Variants in OR52A5 observed in about 807,000 individuals in gnomAD.
The protein encoded by OR52A5 is olfactory receptor family 52 subfamily A member 5.
OR52A5 carries 16 observed loss-of-function variants against 18.2 expected under a neutral mutation model. That is an observed-to-expected ratio of 0.88 (90% CI 0.60 to 1.34). The LOEUF (loss-of-function observed/expected upper bound fraction) is 1.34. Ranked by LOEUF, OR52A5 falls within the 40% of genes most tolerant of loss-of-function variation. The probability of loss-of-function intolerance (pLI) is 0.00; values close to 1 mark genes in which losing one functional copy is unlikely to be tolerated. For synonymous variants in OR52A5, 140 were observed against 137.2 expected (o/e 1.02, Z -0.14); for missense variants, 418 against 383.0 (o/e 1.09, Z -0.76).
intron 1 of OR52A5, among the ~76,000 whole-genome samples, chr11:5,134,916 C>CTGGA (rs1846377384): frequency 1.3e-5 from 2 of 152,260 alleles, no homozygotes; most frequent in African/African-American, 4.8e-5. Context: ...ATCGCCCAGG[C>CTGGA]TGGAGTGCAG....
intron 1 of OR52A5, 103 bp downstream of exon 1, chr11:5,138,205 ATTT>A (rs1846409065): frequency 6.6e-6 from 1 of 152,224 alleles, no homozygotes; most frequent in African/African-American, 2.4e-5. Flanking sequence ...ATTCTGTTGC[ATTT>A]TTATCATCCT....
intron 1 of OR52A5, among the ~76,000 whole-genome samples, chr11:5,137,836 A>G (rs2133527226): frequency 6.6e-6 from 1 of 152,358 alleles, no homozygotes; most frequent in East Asian, 1.9e-4. Context: ...GTAAAAATTA[A>G]TGACACAATC....
chr11:5,132,358 A>C lies in OR52A5; in HGVS notation c.285T>G (p.Ser95=). ...GIFWFHLPEI[S]FDACLFQMWL... ...ACATTTGAAAAAGACAGGCATCAAA[A>C]GAAATCTCTGGCAAATGAAACCAGA... Residue 95 remains serine (S), a synonymous_variant, in exon 2 of 2, where the codon TCT becomes TCG. Coordinates refer to ENST00000307388, the MANE Select transcript of OR52A5 (RefSeq NM_001005160.3). The C allele has an allele frequency of 6.2e-7, 1 of 1,614,226 alleles. No individual in the cohort carries two copies. Among genetic ancestry groups the C allele is most frequent in the East Asian group, 2.2e-5 (1 of 44,894 alleles).
chr11:5,130,027 A>G lies in OR52A5; in HGVS notation c.*1665T>C, dbSNP rs2133520967. 6.6e-6 allele frequency: 1 copy of G among 152,236 alleles called. No homozygotes were observed. Among genetic ancestry groups the G allele is most frequent in the Non-Finnish European group, 1.5e-5 (1 of 67,996 alleles). The allele number at this position is 152,236 out of a possible 1,614,324, so 9.4% of individuals were successfully genotyped here. ...TTCATTTAATTTTTTTCCATTAGAT[A>G]ATGTGCATTTTTAAGATCTTTGTTG... is the stretch of plus-strand genomic sequence containing the variant. On this transcript the variant is annotated 3_prime_UTR_variant, in exon 2 of 2. Transcript: ENST00000307388.
rs1846310701 is a variant in OR52A5 at position 5,128,924 on chromosome 11, A to G, written c.*2768T>C. The stretch of plus-strand genomic sequence containing the variant: ...TGATGATGGTTGCACAGCCTTTATA[A>G]TACACTAAAAATCATCAAATTGCAT... On this transcript the variant is annotated 3_prime_UTR_variant, in exon 2 of 2. Transcript: ENST00000307388. The G allele has an allele frequency of 6.6e-6, 1 of 152,108 alleles. No individual in the cohort carries two copies. 9.4% of individuals were successfully genotyped at this position (152,108 alleles called of 1,614,324 possible).
In OR52A5 at chr11:5,130,303, A is replaced by G. The variant is rs1371775501; in HGVS notation, c.*1389T>C. 1 of 151,988 alleles carries G rather than the reference A, an allele frequency of 6.6e-6. No individual in the cohort carries two copies. The highest frequency in any genetic ancestry group is 1.5e-5 in the Non-Finnish European group (1 of 67,954). 9.4% of individuals were successfully genotyped at this position (151,988 alleles called of 1,614,324 possible). On this transcript the variant is annotated 3_prime_UTR_variant, in exon 2 of 2. Coordinates refer to ENST00000307388, the MANE Select transcript of OR52A5 (RefSeq NM_001005160.3). ...TATTGTTTGTTTTGGTTTCTTATTT[A>G]GGAGTATCACTTACTTATTATCTTC...
Position 5,132,468 on chromosome 11 carries a change from T to A in OR52A5, c.175A>T (p.Ile59Leu), listed in dbSNP as rs1234993320. Residue 59 changes from isoleucine (I) to leucine (L), a missense_variant, in exon 2 of 2, where the codon ATA (isoleucine) becomes TTA (leucine). Coordinates refer to ENST00000307388, the MANE Select transcript of OR52A5 (RefSeq NM_001005160.3). ...VIIKYENSLH[I>L]PMYIFLAMLA... ...ATGGCCAAAAAAATGTACATGGGTA[T>A]ATGGAGGCTGTTTTCATATTTGATT... The A allele has an allele frequency of 1.2e-6, 2 of 1,614,188 alleles. No individual in the cohort carries two copies.
At position 5,130,046 on chromosome 11, in the gene OR52A5, TTTG is replaced by T. The variant is rs1410063571; in HGVS notation, c.*1643_*1645del. On this transcript the variant is annotated 3_prime_UTR_variant, in exon 2 of 2. Coordinates refer to ENST00000307388, the MANE Select transcript of OR52A5 (RefSeq NM_001005160.3). ...TTAGATAATGTGCATTTTTAAGATC[TTTG>T]TTGTTTGTCTTCCCTCATACTCCAG... The T allele has an allele frequency of 6.6e-6, 1 of 152,164 alleles. No homozygotes were observed. The highest frequency in any genetic ancestry group is 2.4e-5 in the African/African-American group (1 of 41,434). The allele number at this position is 152,164 out of a possible 1,614,324, so 9.4% of individuals were successfully genotyped here.
At position 5,130,030 on chromosome 11, in the gene OR52A5, G is replaced by A. The variant is rs988222499; in HGVS notation, c.*1662C>T. The A allele has an allele frequency of 1.3e-5, 2 of 151,728 alleles. No homozygotes were observed. Among genetic ancestry groups the A allele is most frequent in the African/African-American group, 2.4e-5 (1 of 41,290 alleles). The allele number at this position is 151,728 out of a possible 1,614,324, so 9.4% of individuals were successfully genotyped here. A position where few individuals can be genotyped will look rare whatever the true frequency, so the allele number is the denominator to read the frequency against. On this transcript the variant is annotated 3_prime_UTR_variant, in exon 2 of 2. Transcript: ENST00000307388. ...ATTTAATTTTTTTCCATTAGATAATGTGCATTTTTAAGATCTTTGTTGTTT... is the reference window on the plus strand; with the variant it reads ...ATTTAATTTTTTTCCATTAGATAATATGCATTTTTAAGATCTTTGTTGTTT...
chr11:5,133,959 T>C (rs908912745), intron 1 of OR52A5, among the ~76,000 whole-genome samples: 1 of 152,204 alleles, frequency 6.6e-6, no homozygotes, highest in African/African-American at 2.4e-5. Context: ...TTATTTTGCA[T>C]AGGACTGTTT....
In OR52A5 at chr11:5,131,829, G is replaced by A. The variant is rs753380946; in HGVS notation, c.814C>T (p.Pro272Ser). 2 of 1,614,012 alleles carry A rather than the reference G, an allele frequency of 1.2e-6. No homozygotes were observed. The highest frequency in any genetic ancestry group is 1.7e-6 in the Non-Finnish European group (2 of 1,179,884). ...GACAAGAGGATATGAATATATGGTGGTATGTGTGAACCAAACCTGTGTGTG... is the reference window on the plus strand; with the variant it reads ...GACAAGAGGATATGAATATATGGTGATATGTGTGAACCAAACCTGTGTGTG... ...FFTHRFGSHI[P>S]PYIHILLSNL... The change falls in exon 2 of 2, where the codon CCA (proline) becomes TCA (serine). Residue 272 changes from proline (P) to serine (S), a missense_variant. Pro to Ser is a moderately conservative substitution (Grantham distance 74). Transcript: ENST00000307388.
In OR52A5 at chr11:5,132,405, G is replaced by C. The variant is rs1020119493; in HGVS notation, c.238C>G (p.Leu80Val). ...CAGAAGATGCCTAACATTTTGGGAA[G>C]AATGCAGGTGTTAAGTGCAATGTCT... ...ATDIALNTCI[L>V]PKMLGIFWFH... is the part of the protein sequence containing the mutation. The change falls in exon 2 of 2, where the codon CTT becomes GTT. Residue 80 changes from leucine (L) to valine (V), a missense_variant. Transcript: ENST00000307388. 1.2e-6 allele frequency: 2 copies of C among 1,614,152 alleles called. No individual in the cohort carries two copies. Among genetic ancestry groups the C allele is most frequent in the Non-Finnish European group, 8.5e-7 (1 of 1,180,002 alleles).
In OR52A5 at chr11:5,132,498, C is replaced by T; in HGVS notation, c.145G>A (p.Val49Ile). Residue 49 changes from valine (V) to isoleucine (I), a missense_variant, in exon 2 of 2, where the codon GTT becomes ATT. Coordinates refer to ENST00000307388, the MANE Select transcript of OR52A5 (RefSeq NM_001005160.3). ...IGVIGNSLILVIIKYENSLHI... is the reference protein window; with the variant it reads ...IGVIGNSLILIIIKYENSLHI... Reference sequence around the variant, plus strand: ...AGGCTGTTTTCATATTTGATTATAACTAAAATTAGGGAATTTCCAATCACA... The same window carrying T: ...AGGCTGTTTTCATATTTGATTATAATTAAAATTAGGGAATTTCCAATCACA... 1 of 1,614,074 alleles carries T rather than the reference C, an allele frequency of 6.2e-7. No homozygotes were observed. The highest frequency in any genetic ancestry group is 1.3e-5 in the African/African-American group (1 of 75,008).
chr11:5,134,033 G>C (rs1589860989), intron 1 of OR52A5, among the ~76,000 whole-genome samples: 2 of 152,140 alleles, frequency 1.3e-5, no homozygotes, highest in East Asian at 3.9e-4. Flanking sequence ...TAGGCTTCCA[G>C]AGCCTTCTAT....
chr11:5,136,868 T>C (rs1020984674), intron 1 of OR52A5, among the ~76,000 whole-genome samples: 3 of 152,246 alleles, frequency 2.0e-5, no homozygotes, highest in Non-Finnish European at 4.4e-5. Context: ...AATGTAAAGT[T>C]ACTATTTTAA....
At position 5,133,345 on chromosome 11, in the gene OR52A5, ACGACAGAGCGAGACTGTC is replaced by A. The variant is rs1846361013; in HGVS notation, c.-60-661_-60-644del. On this transcript the variant is annotated intron_variant, in intron 1 of 1. Coordinates refer to ENST00000307388, the MANE Select transcript of OR52A5 (RefSeq NM_001005160.3). ...ATCACACCACTGCACTCCAGCCTGG[ACGACAGAGCGAGACTGTC>A]AAAAAAAAAAAAAAAAAAAAAAAAG... 2.2e-5 allele frequency among the ~76,000 whole-genome samples: 3 copies of A among 135,306 alleles called. No individual in the cohort carries two copies. In the East Asian group the frequency reaches 7.2e-4, roughly 32 times the overall value. 88.8% of individuals were successfully genotyped at this position (135,306 alleles called of 152,430 possible).
rs1482893592 is a variant in OR52A5 at position 5,129,092 on chromosome 11, C to G, written c.*2600G>C. ...GCTCTGCCCAAAGACACTGACCTAG[C>G]TCCAGCTAGAGGATCATCAGCCACA... On this transcript the variant is annotated 3_prime_UTR_variant, in exon 2 of 2. Transcript: ENST00000307388. 1 of 152,298 alleles carries G rather than the reference C, an allele frequency of 6.6e-6. No homozygotes were observed. Among genetic ancestry groups the G allele is most frequent in the Non-Finnish European group, 1.5e-5 (1 of 68,062 alleles). 9.4% of individuals were successfully genotyped at this position (152,298 alleles called of 1,614,324 possible). A position where few individuals can be genotyped will look rare whatever the true frequency, so the allele number is the denominator to read the frequency against.
At chr11:5,135,871 T>C (rs1846388480) in intron 1 of OR52A5, among the ~76,000 whole-genome samples, 1 of 152,202 alleles carries the variant, frequency 6.6e-6, no homozygotes, top group Non-Finnish European at 1.5e-5. Context: ...GCACATGTTC[T>C]CAGGACCTCC....
At chr11:5,136,889 A>T (rs746982981) in intron 1 of OR52A5, among the ~76,000 whole-genome samples, 1 of 152,246 alleles carries the variant, frequency 6.6e-6, no homozygotes, top group African/African-American at 2.4e-5. Flanking sequence ...GCCAAGTAAT[A>T]AAAGTTTGTA....
Sources: gnomAD v4.1 joint callset for allele counts (sites outside exome capture counted in the v4.1 genomes callset) on GRCh38, gnomAD v4.1.1 for gene constraint, MANE v1.5 for transcripts, NCBI Gene and HGNC (gene_info 2026-07-23, HGNC 2026-07-21) for gene names.